PDE8A: variants seen among roughly 807,000 people sequenced by gnomAD.
PDE8A encodes high affinity cAMP-specific and IBMX-insensitive 3',5'-cyclic phosphodiesterase 8A.
PDE8A carries 59 observed loss-of-function variants against 105.0 expected under a neutral mutation model. That is an observed-to-expected ratio of 0.56 (90% CI 0.46 to 0.70). PDE8A has a LOEUF of 0.70. Ranked by LOEUF, PDE8A falls within the 30% of genes least tolerant of loss-of-function variation. The pLI is 0.00. For missense variants in PDE8A, 1,014 were observed against 1,045.9 expected (o/e 0.97, Z 0.42); for synonymous variants, 355 against 371.9 (o/e 0.95, Z 0.52).
At chr15:85,136,814 G>C in intron 21 of PDE8A, 151 bp downstream of exon 21, 1 of 690,706 alleles carries the variant, frequency 1.4e-6, no homozygotes, top group South Asian at 2.0e-5. Context: ...GGCCCCTGAG[G>C]GCTAGGTGTT....
At chr15:85,067,437 T>G (rs1400627750) in intron 3 of PDE8A, among the ~76,000 whole-genome samples, 1 of 152,216 alleles carries the variant, frequency 6.6e-6, no homozygotes, top group Non-Finnish European at 1.5e-5. Context: ...TTATTAAGGG[T>G]CAAAGTGAAA....
At chr15:85,008,730 G>A (rs1293286381) in intron 1 of PDE8A, among the ~76,000 whole-genome samples, 1 of 152,046 alleles carries the variant, frequency 6.6e-6, no homozygotes, top group Non-Finnish European at 1.5e-5. Context: ...CCCTCCTCTA[G>A]TCTGCCTGAA....
chr15:84,993,227 A>C (rs1181960615), intron 1 of PDE8A, among the ~76,000 whole-genome samples: 1 of 151,072 alleles, frequency 6.6e-6, no homozygotes, highest in Non-Finnish European at 1.5e-5. Context: ...GCGGATCACA[A>C]GGTCAGGAGA....
intron 1 of PDE8A, among the ~76,000 whole-genome samples, chr15:85,045,051 G>A (rs1283532551): frequency 2.0e-5 from 3 of 152,030 alleles, no homozygotes; most frequent in Non-Finnish European, 4.4e-5. Flanking sequence ...TTCCACTGTA[G>A]GTCCTGTGCA....
intron 20 of PDE8A, among the ~76,000 whole-genome samples, chr15:85,132,319 A>C (rs567693838): frequency 6.6e-6 from 1 of 152,190 alleles, no homozygotes; most frequent in Non-Finnish European, 1.5e-5. Flanking sequence ...CTTTTTGCTG[A>C]ACTCATAAGA....
intron 12 of PDE8A, among the ~76,000 whole-genome samples, chr15:85,111,442 C>T (rs1303121971): frequency 6.6e-6 from 1 of 152,082 alleles, no homozygotes; most frequent in Non-Finnish European, 1.5e-5. Context: ...TAGGGAAATC[C>T]AACTCGTCTA....
intron 1 of PDE8A, among the ~76,000 whole-genome samples, chr15:85,047,913 C>A (rs1425843958): frequency 6.6e-6 from 1 of 151,834 alleles, no homozygotes; most frequent in East Asian, 1.9e-4. Context: ...TCATTATTGT[C>A]TTTATATTTA....
chr15:85,071,107 ATC>A (rs1214266643), intron 3 of PDE8A, among the ~76,000 whole-genome samples: 1 of 152,244 alleles, frequency 6.6e-6, no homozygotes, highest in Non-Finnish European at 1.5e-5. Flanking sequence ...AAGGATAGGA[ATC>A]TCTACTGTAT....
intron 11 of PDE8A, among the ~76,000 whole-genome samples, chr15:85,107,989 G>C (rs1229170723): frequency 6.6e-6 from 1 of 152,146 alleles, no homozygotes; most frequent in Non-Finnish European, 1.5e-5. Context: ...GGAAAACCAG[G>C]AGAGTGTGGA....
chr15:85,119,468 C>CAAA lies in PDE8A; in HGVS notation c.1735-1318_1735-1316dup, dbSNP rs546194907. On this transcript the variant is annotated intron_variant, in intron 17 of 21. Transcript: ENST00000394553. ...GGGTGACAGAGCAAGACTCTCGTCT[C>CAAA]AAAAAAAAAAAAACATTTATTGAAA... is the stretch of plus-strand genomic sequence containing the variant. 5.4e-3 allele frequency among the ~76,000 whole-genome samples: 316 copies of CAAA among 58,558 alleles called. 57 individuals carry two copies. In the East Asian group the frequency reaches 0.093, roughly 17 times the overall value. 38.4% of individuals were successfully genotyped at this position (58,558 alleles called of 152,430 possible). A position where few individuals can be genotyped will look rare whatever the true frequency, so the allele number is the denominator to read the frequency against.
At chr15:84,988,561 T>G (rs1180935340) in intron 1 of PDE8A, among the ~76,000 whole-genome samples, 1 of 152,190 alleles carries the variant, frequency 6.6e-6, no homozygotes, top group African/African-American at 2.4e-5. Flanking sequence ...CCTTTCCCCT[T>G]TCTCCTGCTC....
intron 3 of PDE8A, 51 bp downstream of exon 3, chr15:85,067,255 C>G: frequency 7.7e-7 from 1 of 1,293,872 alleles, no homozygotes; most frequent in Non-Finnish European, 1.1e-6. Context: ...TCTGACAATA[C>G]ATGCAGCCTA....
At chr15:85,095,246 T>C (rs2081724530) in intron 8 of PDE8A, among the ~76,000 whole-genome samples, 2 of 152,188 alleles carry the variant, frequency 1.3e-5, no homozygotes, top group African/African-American at 4.8e-5. Context: ...TTTACTGTTA[T>C]GTCAGGACTT....
At chr15:85,017,277 T>A (rs1014773864) in intron 1 of PDE8A, among the ~76,000 whole-genome samples, 14 of 146,616 alleles carry the variant, frequency 9.5e-5, no homozygotes, top group African/African-American at 3.3e-4. Flanking sequence ...AAAAAAAAAA[T>A]AAATAAATGA....
In PDE8A at chr15:85,054,546, G is replaced by A. The variant is rs1033995325; in HGVS notation, c.187-9824G>A. On this transcript the variant is annotated intron_variant, in intron 1 of 21. Coordinates refer to ENST00000394553, the MANE Select transcript of PDE8A (RefSeq NM_002605.3). ...GCTTCTTCCTGGTTTAACCTTTGGAGGGTGTATGTGTCCAGGAATTCATCC... is the reference window on the plus strand; with the variant it reads ...GCTTCTTCCTGGTTTAACCTTTGGAAGGTGTATGTGTCCAGGAATTCATCC... Among the ~76,000 whole-genome samples the A allele has an allele frequency of 3.3e-5, 5 of 152,196 alleles. No homozygotes were observed. In the East Asian group the frequency reaches 5.8e-4, roughly 18 times the overall value.
chr15:85,037,065 A>AT (rs756347084), intron 1 of PDE8A, among the ~76,000 whole-genome samples: 15,273 of 141,434 alleles, frequency 0.11, 1,471 homozygotes, highest in African/African-American at 0.27. Context: ...TACTGGACTA[A>AT]TTTTTTTTTT....
chr15:85,080,638 AAG>A (rs2081449558), intron 5 of PDE8A, among the ~76,000 whole-genome samples: 4 of 152,196 alleles, frequency 2.6e-5, no homozygotes, highest in Admixed American at 2.6e-4. Flanking sequence ...AATTCTGCCC[AAG>A]AAGTCTATCA....
chr15:85,119,793 C>G (rs2082153179), intron 17 of PDE8A, among the ~76,000 whole-genome samples: 1 of 151,222 alleles, frequency 6.6e-6, no homozygotes, highest in African/African-American at 2.4e-5. Context: ...GAAATAAAAC[C>G]AAAAATGACA....
At position 84,982,270 on chromosome 15, in the gene PDE8A, C is replaced by T; in HGVS notation, c.108C>T (p.Gly36=). 1 of 1,441,962 alleles carries T rather than the reference C, an allele frequency of 6.9e-7. No individual in the cohort carries two copies. 89.3% of individuals were successfully genotyped at this position (1,441,962 alleles called of 1,614,324 possible). ...CCGGCGGGCCGCGCCTCCCGCAGGG[C>T]CAGAAGACGGCCGCCTTGCCCCGGA... ...LSSGGPRLPQ[G]QKTAALPRTR... The change falls in exon 1 of 22, where the codon GGC becomes GGT. Residue 36 remains glycine (G), a synonymous_variant. Coordinates refer to ENST00000394553, the MANE Select transcript of PDE8A (RefSeq NM_002605.3).
Sources: allele counts gnomAD v4.1 joint callset (sites outside exome capture counted in the v4.1 genomes callset), GRCh38; gene constraint gnomAD v4.1.1; transcripts MANE v1.5; gene names NCBI Gene and HGNC (gene_info 2026-07-23, HGNC 2026-07-21).